The following PDE1C variants were observed in gnomAD, a reference collection of about 807,000 sequenced individuals.
The protein encoded by PDE1C is dual specificity calcium/calmodulin-dependent 3',5'-cyclic nucleotide phosphodiesterase 1C.
PDE1C carries 62 observed loss-of-function variants against 93.1 expected under a neutral mutation model. The ratio of observed to expected loss-of-function variants is 0.67; its 90% CI spans 0.54 to 0.82. PDE1C has a LOEUF of 0.82. Among genes scored for constraint, PDE1C ranks in the 40% least tolerant of loss-of-function variants. The pLI is 0.00. For missense variants in PDE1C, 742 were observed against 884.6 expected (o/e 0.84, Z 2.04); for synonymous variants, 325 against 310.1 (o/e 1.05, Z -0.50).
chr7:32,296,078 AC>A (rs1056096602), intron 1 of PDE1C, among the ~76,000 whole-genome samples: 1 of 152,210 alleles, frequency 6.6e-6, no homozygotes, highest in African/African-American at 2.4e-5. Flanking sequence ...CATTTTTCAA[AC>A]ATTCTGATTT....
rs138685295 is a variant in PDE1C, at chr7:32,404,076, T to C, written c.310+23746A>G. 2.6e-3 allele frequency among the ~76,000 whole-genome samples: 391 copies of C among 152,284 alleles called. 1 individual carries two copies. Among genetic ancestry groups the C allele is most frequent in the African/African-American group, 7.7e-3 (319 of 41,554 alleles). ...TAACTGCCTGGGCTTCGAAGTGAAC[T>C]GCTGGGTCTGACTCCTGGCCCCTCA... On this transcript the variant is annotated intron_variant, in intron 1 of 1. Coordinates refer to the PDE1C transcript ENST00000672256.
chr7:31,923,189 C>A (rs76862099), intron 2 of PDE1C, among the ~76,000 whole-genome samples: 2 of 152,178 alleles, frequency 1.3e-5, no homozygotes, highest in East Asian at 3.9e-4. Context: ...ATTCCAATGG[C>A]AGATACTCTA....
At chr7:31,676,487 C>G in the PDE1C span, among the ~76,000 whole-genome samples, 3 of 152,080 alleles carry the variant, frequency 2.0e-5, no homozygotes, top group South Asian at 6.2e-4. Flanking sequence ...AACAAAATTG[C>G]AGAATTTCTT....
At chr7:32,275,934 T>C (rs11771230) in intron 1 of PDE1C, among the ~76,000 whole-genome samples, 11,542 of 152,284 alleles carry the variant, frequency 0.076, 586 homozygotes, top group Non-Finnish European at 0.1. Flanking sequence ...GCTCACTTAG[T>C]ATGACCCTGT....
At chr7:31,939,373 T>A (rs1805523800) in intron 2 of PDE1C, among the ~76,000 whole-genome samples, 1 of 152,156 alleles carries the variant, frequency 6.6e-6, no homozygotes, top group African/African-American at 2.4e-5. Context: ...AATGCTCTCA[T>A]TTGACAAGAG....
chr7:31,875,325 A>G (rs1796414286), intron 5 of PDE1C, among the ~76,000 whole-genome samples: 1 of 152,162 alleles, frequency 6.6e-6, no homozygotes, highest in Admixed American at 6.5e-5. Context: ...GGACTTAGAG[A>G]ACAAAGAGGA....
At chr7:32,374,126 G>GAGAT in intron 1 of PDE1C, among the ~76,000 whole-genome samples, 1 of 72,706 alleles carries the variant, frequency 1.4e-5, no homozygotes, top group South Asian at 3.9e-4. Context: ...GAAGGAGAGA[G>GAGAT]AGAAGAAAGA....
At chr7:31,805,890 T>C (rs1786760824) in intron 16 of PDE1C, among the ~76,000 whole-genome samples, 1 of 151,876 alleles carries the variant, frequency 6.6e-6, no homozygotes, top group African/African-American at 2.4e-5. Context: ...ATTTCCTGGC[T>C]CCCAAAGATC....
intron 1 of PDE1C, among the ~76,000 whole-genome samples, chr7:32,373,072 A>C (rs1483176149): frequency 6.6e-6 from 1 of 152,248 alleles, no homozygotes; most frequent in Non-Finnish European, 1.5e-5. Context: ...AAGATTAATC[A>C]TGAAATTACC....
At chr7:32,087,264 T>C (rs1797152685) in intron 3 of PDE1C, among the ~76,000 whole-genome samples, 2 of 150,912 alleles carry the variant, frequency 1.3e-5, no homozygotes, top group Admixed American at 6.6e-5. Context: ...TCATCATCAC[T>C]GGCCATCAGA....
chr7:32,145,528 T>C (rs1800785923), intron 3 of PDE1C, among the ~76,000 whole-genome samples: 1 of 152,206 alleles, frequency 6.6e-6, no homozygotes, highest in African/African-American at 2.4e-5. Flanking sequence ...TCACATCTAC[T>C]TATTAATTGT....
intron 2 of PDE1C, among the ~76,000 whole-genome samples, chr7:31,987,741 T>C (rs1445247854): frequency 6.6e-6 from 1 of 152,232 alleles, no homozygotes; most frequent in African/African-American, 2.4e-5. Flanking sequence ...AAGTTATTTC[T>C]GGTACTGTCA....
At chr7:32,221,149 C>T (rs1584983214) in intron 1 of PDE1C, among the ~76,000 whole-genome samples, 1 of 152,296 alleles carries the variant, frequency 6.6e-6, no homozygotes. Context: ...GCCCAGATCC[C>T]TCCTCCTGTG....
At chr7:32,163,578 A>T (rs1259234748) in intron 3 of PDE1C, among the ~76,000 whole-genome samples, 1 of 152,168 alleles carries the variant, frequency 6.6e-6, no homozygotes, top group Admixed American at 6.5e-5. Flanking sequence ...CCTAAGTGGG[A>T]AGAGAAGCTC....
At chr7:31,766,969 A>AT (rs1795185489) in intron 17 of PDE1C, among the ~76,000 whole-genome samples, 1 of 152,174 alleles carries the variant, frequency 6.6e-6, no homozygotes, top group African/African-American at 2.4e-5. Context: ...TTATGAAAAA[A>AT]CTTTTAATGA....
At chr7:31,634,537 GA>G in the PDE1C span, among the ~76,000 whole-genome samples, 80 of 152,328 alleles carry the variant, frequency 5.3e-4, no homozygotes, top group African/African-American at 1.9e-3. Flanking sequence ...CTAAGTAGGA[GA>G]GTCAGAATCA....
At chr7:31,722,126 A>G in the PDE1C span, among the ~76,000 whole-genome samples, 1 of 151,218 alleles carries the variant, frequency 6.6e-6, no homozygotes, top group African/African-American at 2.4e-5. Context: ...TTTCCCTTCC[A>G]TTTCTCATCT....
chr7:31,774,896 A>T (rs1795727597), intron 17 of PDE1C, among the ~76,000 whole-genome samples: 2 of 152,190 alleles, frequency 1.3e-5, no homozygotes, highest in Non-Finnish European at 1.5e-5. Context: ...ATCATTTTTT[A>T]AATTTTCTTC....
chr7:31,643,864 T>C, the PDE1C span: 3 of 1,613,960 alleles, frequency 1.9e-6, no homozygotes, highest in Non-Finnish European at 2.5e-6. Flanking sequence ...CTGTAGGCAC[T>C]GCCTGTGTTC....
Sources: allele counts gnomAD v4.1 joint callset (sites outside exome capture counted in the v4.1 genomes callset), GRCh38; gene constraint gnomAD v4.1.1; transcripts MANE v1.5; gene names NCBI Gene and HGNC (gene_info 2026-07-23, HGNC 2026-07-21).